The following ATP8B3 variants were observed in gnomAD, a reference collection of about 807,000 sequenced individuals.
ATP8B3 encodes the protein phospholipid-transporting ATPase IK.
In ATP8B3, 141 loss-of-function variants were observed where a neutral mutation model predicts 140.9. The ratio of observed to expected loss-of-function variants is 1.00; its 90% confidence interval spans 0.87 to 1.15. The LOEUF (loss-of-function observed/expected upper bound fraction) is 1.15, where lower values mean the gene tolerates loss of function less well. Among genes scored for constraint, ATP8B3 ranks in the 50% most tolerant of loss-of-function variants. The pLI is 0.00. For synonymous variants in ATP8B3, 765 were observed against 714.6 expected (o/e 1.07, Z -1.13); for missense variants, 1,874 against 1,740.6 (o/e 1.08, Z -1.36).
rs760610569 is a variant in ATP8B3 at position 1,807,209 on chromosome 19, G to A, written c.574C>T (p.Leu192Phe). ...WFSLSTPMVC[L>F]LFIRATRDLV... is the part of the protein sequence containing the mutation. ...TCCCGGGTGGCACGGATGAAGAGGAGGCAGACCATAGGGGTACTGAGCGAG... is the reference window on the plus strand; with the variant it reads ...TCCCGGGTGGCACGGATGAAGAGGAAGCAGACCATAGGGGTACTGAGCGAG... Residue 192 changes from leucine to phenylalanine, a missense_variant, in exon 6 of 29, where the codon CTC (leucine) becomes TTC (phenylalanine). Leu to Phe is a conservative substitution (Grantham distance 22). Coordinates refer to ENST00000310127, the MANE Select transcript of ATP8B3 (RefSeq NM_138813.4). The surrounding 1 kb of genome is among the most constrained non-coding windows in gnomAD (Gnocchi z 5.9). 6.2e-7 allele frequency: 1 copy of A among 1,612,986 alleles called. No individual in the cohort carries two copies. Among genetic ancestry groups the A allele is most frequent in the East Asian group, 2.2e-5 (1 of 44,840 alleles).
Position 1,800,046 on chromosome 19 carries a change from G to A in ATP8B3, c.1453C>T (p.His485Tyr), listed in dbSNP as rs1193050781. Reference protein sequence around the residue: ...AKARSTSLNDHLGQVEYIFSD... With the variant: ...AKARSTSLNDYLGQVEYIFSD... ...AAGATGTATTCCACCTGGCCCAGGT[G>A]GTCGTTGAGGCTGGTGCTGCGGGCC... The change falls in exon 14 of 29, where the codon CAC (histidine) becomes TAC (tyrosine). Residue 485 changes from histidine (H) to tyrosine (Y), a missense_variant. Around this residue, in one of 3 missense-constraint regions of ATP8B3, gnomAD observed 1,032 missense variants for 963.6 expected, o/e 1.07. Transcript: ENST00000310127. This position sits in a 1 kb window ranked among gnomAD's most constrained non-coding sequence, Gnocchi z 4.4. 6.3e-7 allele frequency: 1 copy of A among 1,599,476 alleles called. No homozygotes were observed.
chr19:1,790,094 C>A, intron 21 of ATP8B3, 105 bp from the exon 22 acceptor site: 1 of 785,934 alleles, frequency 1.3e-6, no homozygotes, highest in Non-Finnish European at 2.1e-6. Context: ...CACTCCCCCA[C>A]CCCTGCCCCT....
At position 1,783,255 on chromosome 19, in the gene ATP8B3, C is replaced by T. The variant is rs773903294; in HGVS notation, c.3676G>A (p.Glu1226Lys). 4 of 1,608,834 alleles carry T rather than the reference C, an allele frequency of 2.5e-6. No individual in the cohort carries two copies. The African/African-American group carries it at 5.3e-5, about 22-fold the overall frequency. ...GTGAAAATCTCCTCGCTGGGGCCCT[C>T]CTCCACCTTCTCCTCCTGAAGAGCA... ...ELRAKEEKVE[E>K]GPSEEIFTME... The change falls in exon 29 of 29, where the codon GAG (glutamate) becomes AAG (lysine). Residue 1226 changes from glutamate (E) to lysine (K), a missense_variant. By Grantham distance (56) the Glu-to-Lys change is moderately conservative. Around this residue, in one of 3 missense-constraint regions of ATP8B3, gnomAD observed 840 missense variants for 760.9 expected, o/e 1.10. Transcript: ENST00000310127.
intron 18 of ATP8B3, among the ~76,000 whole-genome samples, chr19:1,795,020 G>T (rs2068622240): frequency 6.6e-6 from 1 of 152,216 alleles, no homozygotes; most frequent in Non-Finnish European, 1.5e-5. Flanking sequence ...ACTTTGAGAG[G>T]GCGAGGCGGG....
intron 12 of ATP8B3, among the ~76,000 whole-genome samples, chr19:1,801,558 C>G (rs971747640): frequency 2.0e-5 from 3 of 152,072 alleles, no homozygotes; most frequent in African/African-American, 7.2e-5. Flanking sequence ...CGAGACCAGC[C>G]TGGGCAACAT....
In ATP8B3 at chr19:1,791,992, G is replaced by C; in HGVS notation, c.2190+9C>G. 1 of 1,544,940 alleles carries C rather than the reference G, an allele frequency of 6.5e-7. No individual in the cohort carries two copies. Among genetic ancestry groups the C allele is most frequent in the Non-Finnish European group, 8.7e-7 (1 of 1,143,750 alleles). On this transcript the variant is annotated intron_variant, in intron 19 of 28. Coordinates refer to ENST00000310127, the MANE Select transcript of ATP8B3 (RefSeq NM_138813.4). ...CCACCCTGAGGTCCTGCTCCATCTC[G>C]TTGTACACCTGTTGCAGGGCCTGTG...
In ATP8B3 at chr19:1,784,862, G is replaced by A. The variant is rs957976785; in HGVS notation, c.3617C>T (p.Ala1206Val). The A allele has an allele frequency of 1.9e-6, 3 of 1,611,980 alleles. No homozygotes were observed. The highest frequency in any genetic ancestry group is 2.5e-6 in the Non-Finnish European group (3 of 1,179,162). ...GAGGGCTGGGAAGATGACTCGGAGGGCCAGGACAGGGAAGGTGTTTATGGA... is the reference window on the plus strand; with the variant it reads ...GAGGGCTGGGAAGATGACTCGGAGGACCAGGACAGGGAAGGTGTTTATGGA... ...SVSINTFPVL[A>V]LRVIFPALKE... Residue 1206 changes from alanine (A) to valine (V), a missense_variant, in exon 28 of 29, where the codon GCC becomes GTC. Coordinates refer to ENST00000310127, the MANE Select transcript of ATP8B3 (RefSeq NM_138813.4).
At position 1,805,593 on chromosome 19, in the gene ATP8B3, C is replaced by T; in HGVS notation, c.822-137G>A. The T allele has an allele frequency of 3.6e-6, 3 of 844,302 alleles. No homozygotes were observed. The highest frequency in any genetic ancestry group is 1.6e-5 in the South Asian group (1 of 63,916). 52.3% of individuals were successfully genotyped at this position (844,302 alleles called of 1,614,324 possible). On this transcript the variant is annotated intron_variant, in intron 9 of 28. Transcript: ENST00000310127. The surrounding 1 kb of genome is among the most constrained non-coding windows in gnomAD (Gnocchi z 5.2). ...CCAGCTGCCAGTCAGATGGCTGAGG[C>T]CCAGAGAGGGAGAAGGCCTTGCCCA...
chr19:1,784,912 G>A lies in ATP8B3; in HGVS notation c.3567C>T (p.Ile1189=). 6.2e-7 allele frequency: 1 copy of A among 1,613,210 alleles called. No homozygotes were observed. Among genetic ancestry groups the A allele is most frequent in the East Asian group, 2.2e-5 (1 of 44,876 alleles). Reference sequence around the variant, plus strand: ...ACACACTCAGCAGGACCACCAGCAGGATGGAGGGAGAGGACATCACGCTGA... The same window carrying A: ...ACACACTCAGCAGGACCACCAGCAGAATGGAGGGAGAGGACATCACGCTGA... ...ADLSVMSSPS[I]LLVVLLSVSI... is the part of the protein sequence containing the mutation. Residue 1189 remains isoleucine (I), a synonymous_variant, in exon 28 of 29, where the codon ATC becomes ATT. Transcript: ENST00000310127.
At position 1,802,536 on chromosome 19, in the gene ATP8B3, G is replaced by A; in HGVS notation, c.1014C>T (p.Gly338=). 6.2e-7 allele frequency: 1 copy of A among 1,609,028 alleles called. No individual in the cohort carries two copies. Among genetic ancestry groups the A allele is most frequent in the African/African-American group, 1.4e-5 (1 of 73,684 alleles). The change falls in exon 11 of 29, where the codon GGC becomes GGT. Residue 338 remains glycine, a synonymous_variant. Transcript: ENST00000310127. ...AGGTGTCTGTGTTGCGAATCCTGCAGCCTCGGAGGAGGAGGTTGCCAATGT... is the reference window on the plus strand; with the variant it reads ...AGGTGTCTGTGTTGCGAATCCTGCAACCTCGGAGGAGGAGGTTGCCAATGT... ...SLDIGNLLLR[G]CRIRNTDTCY...
rs986790813 is a variant in ATP8B3, at chr19:1,805,829, G to T, written c.821+59C>A. The T allele has an allele frequency of 3.2e-5, 51 of 1,598,166 alleles. No homozygotes were observed. In the African/African-American group the frequency reaches 5.4e-4, roughly 17 times the overall value. ...GCCTCCTTGGTGACTGGGGAAGGGG[G>T]CTCCTCCGGGCCATGCTCCCCACCC... On this transcript the variant is annotated intron_variant, in intron 9 of 28. Transcript: ENST00000310127. This position sits in a 1 kb window ranked among gnomAD's most constrained non-coding sequence, Gnocchi z 5.2.
rs995571441 is a variant in ATP8B3 at position 1,794,807 on chromosome 19, G to A, written c.2055+1068C>T. Reference sequence around the variant, plus strand: ...CTTGGTGAGGCCAAAGAGAGACCAGGCTGGAGAGGTCAGCAGGGGACAGAA... The same window carrying A: ...CTTGGTGAGGCCAAAGAGAGACCAGACTGGAGAGGTCAGCAGGGGACAGAA... On this transcript the variant is annotated intron_variant, in intron 18 of 28. Coordinates refer to ENST00000310127, the MANE Select transcript of ATP8B3 (RefSeq NM_138813.4). This position sits in a 1 kb window ranked among gnomAD's most constrained non-coding sequence, Gnocchi z 4.8. Among the ~76,000 whole-genome samples the A allele has an allele frequency of 1.3e-5, 2 of 152,170 alleles. No individual in the cohort carries two copies. The highest frequency in any genetic ancestry group is 6.5e-5 in the Admixed American group (1 of 15,284).
At position 1,809,792 on chromosome 19, in the gene ATP8B3, T is replaced by A. The variant is rs1452550576; in HGVS notation, c.311-58A>T. On this transcript the variant is annotated intron_variant, in intron 3 of 28. Coordinates refer to ENST00000310127, the MANE Select transcript of ATP8B3 (RefSeq NM_138813.4). The stretch of plus-strand genomic sequence containing the variant: ...CGAGGCCCAGGACAAACACCCCTAA[T>A]GACCGCCCGGAGGAGGGCTCATGGG... 3 of 1,491,114 alleles carry A rather than the reference T, an allele frequency of 2.0e-6. No individual in the cohort carries two copies. The African/African-American group carries it at 4.2e-5, about 21-fold the overall frequency. 92.4% of individuals were successfully genotyped at this position (1,491,114 alleles called of 1,614,324 possible). A position where few individuals can be genotyped will look rare whatever the true frequency, so the allele number is the denominator to read the frequency against.
In ATP8B3 at chr19:1,806,107, T is replaced by C; in HGVS notation, c.740A>G (p.Asn247Ser). 1.9e-6 allele frequency: 3 copies of C among 1,603,006 alleles called. No individual in the cohort carries two copies. The highest frequency in any genetic ancestry group is 1.7e-5 in the Admixed American group (1 of 58,508). Reference protein sequence around the residue: ...VGDVVCLRKDNIVPADMLLLA... With the variant: ...VGDVVCLRKDSIVPADMLLLA... ...TCAACCCCAGCTCACTGGGACGATG[T>C]TGTCCTTGCGGAGACAGACCACATC... The change falls in exon 8 of 29, where the codon AAC (asparagine) becomes AGC (serine). Residue 247 changes from asparagine (N) to serine (S), a missense_variant. Asn to Ser is a conservative substitution (Grantham distance 46, BLOSUM62 1). This residue lies in a region of ATP8B3 where 1,032 missense variants were observed against 963.6 expected (regional missense o/e 1.07). Coordinates refer to ENST00000310127, the MANE Select transcript of ATP8B3 (RefSeq NM_138813.4). This position sits in a 1 kb window ranked among gnomAD's most constrained non-coding sequence, Gnocchi z 5.6.
intron 18 of ATP8B3, among the ~76,000 whole-genome samples, chr19:1,795,660 G>GT (rs2068641867): frequency 2.0e-5 from 3 of 152,026 alleles, no homozygotes; most frequent in African/African-American, 2.4e-5. Context: ...TGTTTTGTGT[G>GT]TTGCCGGGGG....
chr19:1,782,120 G>C lies in ATP8B3; in HGVS notation c.*908C>G. 1 of 189,338 alleles carries C rather than the reference G, an allele frequency of 5.3e-6. No homozygotes were observed. The highest frequency in any genetic ancestry group is 1.1e-5 in the Non-Finnish European group (1 of 92,246). 11.7% of individuals were successfully genotyped at this position (189,338 alleles called of 1,614,324 possible). On this transcript the variant is annotated 3_prime_UTR_variant, in exon 29 of 29. Transcript: ENST00000310127. Reference sequence around the variant, plus strand: ...ACCCTGGTTTATTAGAAAAAGAAAAGCATGTGGAGTCCTTGTCTTTAGAGG... The same window carrying C: ...ACCCTGGTTTATTAGAAAAAGAAAACCATGTGGAGTCCTTGTCTTTAGAGG...
chr19:1,789,468 C>G lies in ATP8B3; in HGVS notation c.2738G>C (p.Arg913Pro). ...CAGGGCCTTCTGCTTGGGCGTCACG[C>G]GGCAGCAGATGACCGCCTGGCACTT... ...ASKCQAVICC[R>P]VTPKQKALIV... Residue 913 changes from arginine to proline, a missense_variant, in exon 23 of 29, where the codon CGC becomes CCC. Coordinates refer to ENST00000310127, the MANE Select transcript of ATP8B3 (RefSeq NM_138813.4). 6.3e-7 allele frequency: 1 copy of G among 1,597,884 alleles called. No individual in the cohort carries two copies. Among genetic ancestry groups the G allele is most frequent in the Middle Eastern group, 1.7e-4 (1 of 6,056 alleles).
chr19:1,787,006 G>T, intron 25 of ATP8B3, 97 bp downstream of exon 25: 1 of 1,200,822 alleles, frequency 8.3e-7, no homozygotes, highest in Non-Finnish European at 1.2e-6. Flanking sequence ...ATGGCCTGAA[G>T]GTCTCCCAGG....
In ATP8B3 at chr19:1,790,818, T is replaced by C. The variant is rs1471018557; in HGVS notation, c.2317A>G (p.Ile773Val). ...TGDKQETAVN[I>V]GFACELLSEN... ...GACAGCAGCTCGCAGGCGAAGCCGA[T>C]GTTCACAGCCGTTTCTGCGAAGCAG... The change falls in exon 21 of 29, where the codon ATC becomes GTC. Residue 773 changes from isoleucine (I) to valine (V), a missense_variant. This residue lies in a region of ATP8B3 where 840 missense variants were observed against 760.9 expected (regional missense o/e 1.10). Coordinates refer to ENST00000310127, the MANE Select transcript of ATP8B3 (RefSeq NM_138813.4). 2.5e-6 allele frequency: 4 copies of C among 1,602,234 alleles called. No homozygotes were observed. The South Asian group carries it at 3.4e-5, about 14-fold the overall frequency.
Sources: gnomAD v4.1 joint callset for allele counts (sites outside exome capture counted in the v4.1 genomes callset) on GRCh38, gnomAD v4.1.1 for gene constraint, gnomAD v4.1.1 regional missense constraint, Gnocchi (gnomAD v3.1) non-coding constraint, MANE v1.5 for transcripts, NCBI Gene and HGNC (gene_info 2026-07-23, HGNC 2026-07-21) for gene names.